MAMDC2: variants seen among roughly 807,000 people sequenced by gnomAD.
MAMDC2 encodes MAM domain-containing protein 2.
Under a neutral mutation model 89.8 loss-of-function variants are expected in MAMDC2, and 57 were observed. The observed-to-expected ratio is 0.63, with a 90% CI of 0.51 to 0.79. The LOEUF (loss-of-function observed/expected upper bound fraction) is 0.79. Among genes scored for constraint, MAMDC2 ranks in the 30% least tolerant of loss-of-function variants. The pLI is 0.00. For missense variants in MAMDC2, 800 were observed against 820.6 expected (o/e 0.97, Z 0.31); for synonymous variants, 313 against 293.4 (o/e 1.07, Z -0.68).
At chr9:70,103,956 T>C (rs1828266884) in intron 2 of MAMDC2, among the ~76,000 whole-genome samples, 1 of 150,152 alleles carries the variant, frequency 6.7e-6, no homozygotes, top group African/African-American at 2.5e-5. Context: ...CATTCCAGCC[T>C]GGGCGGCACA....
rs56982239 is a variant in MAMDC2, at chr9:70,090,123, T to TCACA, written c.149-18063_149-18060dup. Among the ~76,000 whole-genome samples the TCACA allele has an allele frequency of 3.1e-4, 46 of 148,106 alleles. No individual in the cohort carries two copies. The East Asian group carries it at 6.2e-3, about 20-fold the overall frequency. On this transcript the variant is annotated intron_variant, in intron 2 of 13. Transcript: ENST00000377182. Reference sequence around the variant, plus strand: ...CAATTAAAAAAATAGGCCAAGGATGTCACACACACACACACACACACACAC... The same window carrying TCACA: ...CAATTAAAAAAATAGGCCAAGGATGTCACACACACACACACACACACACACACAC...
intron 2 of MAMDC2, chr9:70,093,740 G>T (rs1468235541): frequency 1.3e-5 from 2 of 152,010 alleles, no homozygotes; most frequent in Non-Finnish European, 1.5e-5. Flanking sequence ...CCTAAATACA[G>T]GGACATTTCT....
intron 12 of MAMDC2, among the ~76,000 whole-genome samples, chr9:70,220,230 G>A (rs918268950): frequency 1.3e-4 from 20 of 152,200 alleles, no homozygotes; most frequent in African/African-American, 4.8e-4. Context: ...TTGGGGATCA[G>A]ACACATGGCC....
chr9:70,157,160 C>T (rs572165763), intron 9 of MAMDC2, among the ~76,000 whole-genome samples: 1 of 152,348 alleles, frequency 6.6e-6, no homozygotes, highest in South Asian at 2.1e-4. Context: ...CCCTTCCCCA[C>T]TTCCAAACTT....
intron 4 of MAMDC2, 89 bp downstream of exon 4, chr9:70,109,893 C>A: frequency 1.9e-6 from 2 of 1,053,152 alleles, no homozygotes; most frequent in Non-Finnish European, 3.0e-6. Flanking sequence ...ATCCTAAAGA[C>A]CAACTATTTT....
chr9:70,045,832 G>GT (rs1363316857), intron 2 of MAMDC2, among the ~76,000 whole-genome samples: 1 of 152,204 alleles, frequency 6.6e-6, no homozygotes, highest in African/African-American at 2.4e-5. Context: ...CTAACTCTGA[G>GT]TGTCTAGTTA....
At chr9:70,206,850 A>G (rs147786693) in intron 11 of MAMDC2, among the ~76,000 whole-genome samples, 10,486 of 152,038 alleles carry the variant, frequency 0.069, 573 homozygotes, top group East Asian at 0.22. Flanking sequence ...TCATTGTTCA[A>G]TTCCCACCTA....
intron 11 of MAMDC2, among the ~76,000 whole-genome samples, chr9:70,193,640 C>G (rs932881775): frequency 1.3e-5 from 2 of 151,930 alleles, no homozygotes; most frequent in African/African-American, 4.8e-5. Context: ...TACTGGGATA[C>G]CAAAATGGCT....
intron 11 of MAMDC2, among the ~76,000 whole-genome samples, chr9:70,185,856 C>G (rs1159663852): frequency 6.6e-6 from 1 of 152,152 alleles, no homozygotes; most frequent in Non-Finnish European, 1.5e-5. Flanking sequence ...CACTTGGCTC[C>G]CTGGCTTCAG....
chr9:70,139,163 C>A (rs1169184260), intron 7 of MAMDC2, among the ~76,000 whole-genome samples: 2 of 149,850 alleles, frequency 1.3e-5, no homozygotes, highest in Non-Finnish European at 3.0e-5. Context: ...GGTACATGTG[C>A]ACAATGTGCA....
At chr9:70,102,641 G>A (rs1419045826) in intron 2 of MAMDC2, among the ~76,000 whole-genome samples, 1 of 152,188 alleles carries the variant, frequency 6.6e-6, no homozygotes, top group Non-Finnish European at 1.5e-5. Context: ...CCCAGGGCAC[G>A]TGGAGTCTGT....
intron 11 of MAMDC2, among the ~76,000 whole-genome samples, chr9:70,216,743 T>C (rs866756068): frequency 1.8e-4 from 27 of 152,324 alleles, no homozygotes; most frequent in African/African-American, 6.5e-4. Flanking sequence ...GTTTAGGGCC[T>C]TTTTTAAAAT....
At chr9:70,127,656 C>A (rs759346921) in intron 6 of MAMDC2, among the ~76,000 whole-genome samples, 15 of 151,418 alleles carry the variant, frequency 9.9e-5, no homozygotes, top group Non-Finnish European at 2.1e-4. Context: ...CCTCTCCCCA[C>A]ACCCCCTTCC....
chr9:70,214,962 T>C (rs956207089), intron 11 of MAMDC2, among the ~76,000 whole-genome samples: 4 of 152,206 alleles, frequency 2.6e-5, no homozygotes, highest in African/African-American at 9.6e-5. Flanking sequence ...ATTAGACAGT[T>C]TGAACAAGTC....
At chr9:70,180,402 TG>T (rs1181686475) in intron 11 of MAMDC2, among the ~76,000 whole-genome samples, 3 of 152,186 alleles carry the variant, frequency 2.0e-5, no homozygotes, top group South Asian at 4.1e-4. Flanking sequence ...TTGGGTCAAA[TG>T]GTATTTCTGG....
intron 2 of MAMDC2, chr9:70,090,707 T>C (rs1827878455): frequency 6.6e-6 from 1 of 152,160 alleles, no homozygotes; most frequent in South Asian, 2.1e-4. Flanking sequence ...TTAGCCAAAG[T>C]ATAAATGGCA....
chr9:70,188,674 GA>G (rs1357620486), intron 11 of MAMDC2: 4 of 149,468 alleles, frequency 2.7e-5, no homozygotes, highest in Admixed American at 2.7e-4. Flanking sequence ...AGTATCCTCA[GA>G]TAGAGGACAT....
intron 5 of MAMDC2, among the ~76,000 whole-genome samples, chr9:70,122,057 C>T (rs1415004941): frequency 6.6e-6 from 1 of 152,208 alleles, no homozygotes; most frequent in Non-Finnish European, 1.5e-5. Context: ...ATAGTAAACT[C>T]ATGATGAGCT....
chr9:70,192,522 G>T lies in MAMDC2; in HGVS notation c.1651+21891G>T, dbSNP rs552723092. 1.3e-3 allele frequency among the ~76,000 whole-genome samples: 200 copies of T among 152,200 alleles called. 1 individual carries two copies. Among genetic ancestry groups the T allele is most frequent in the Non-Finnish European group, 2.5e-3 (171 of 68,004 alleles). On this transcript the variant is annotated intron_variant, in intron 11 of 13. Transcript: ENST00000377182. ...AGATTACCTTATTCCACGGTATGCT[G>T]CTCTTTGACAAGGGGTAGGAGGGGA...
Sources: allele counts gnomAD v4.1 joint callset (sites outside exome capture counted in the v4.1 genomes callset), GRCh38; gene constraint gnomAD v4.1.1; transcripts MANE v1.5; gene names NCBI Gene and HGNC (gene_info 2026-07-23, HGNC 2026-07-21).